Variants in EGFR observed in about 807,000 individuals in gnomAD.
The protein encoded by EGFR is epidermal growth factor receptor, also known as avian erythroblastic leukemia viral (v-erb-b) oncogene homolog.
Under a neutral mutation model 143.0 loss-of-function variants are expected in EGFR, and 58 were observed. The observed-to-expected ratio is 0.41, with a 90% CI of 0.33 to 0.50. The LOEUF (loss-of-function observed/expected upper bound fraction) is 0.50. EGFR is among the 20% of genes least tolerant of loss of function. The probability of loss-of-function intolerance (pLI) is 0.39; values close to 1 mark genes in which losing one functional copy is unlikely to be tolerated. For missense variants in EGFR, 1,307 were observed against 1,579.0 expected, an observed-to-expected ratio of 0.83 and a Z score of 2.92; for synonymous variants, 613 against 594.4, an observed-to-expected ratio of 1.03 and a Z score of -0.45.
intron 1 of EGFR, among the ~76,000 whole-genome samples, chr7:55,030,951 G>T (rs1787210971): frequency 6.6e-6 from 1 of 152,010 alleles, no homozygotes; most frequent in African/African-American, 2.4e-5. Flanking sequence ...ACGGTGATGT[G>T]CCTCTCCCAG....
At chr7:55,050,265 C>A (rs1788413128) in intron 1 of EGFR, among the ~76,000 whole-genome samples, 1 of 152,132 alleles carries the variant, frequency 6.6e-6, no homozygotes, top group Non-Finnish European at 1.5e-5. Context: ...TTCCCCCAGC[C>A]CCTGGCCACC....
intron 1 of EGFR, among the ~76,000 whole-genome samples, chr7:55,068,513 T>C (rs1444148534): frequency 6.6e-6 from 1 of 152,168 alleles, no homozygotes; most frequent in African/African-American, 2.4e-5. Context: ...ACAAGGTCAA[T>C]GCGAAGATTG....
chr7:55,150,751 C>T (rs933560866), intron 4 of EGFR, among the ~76,000 whole-genome samples: 2 of 152,228 alleles, frequency 1.3e-5, no homozygotes, highest in Non-Finnish European at 2.9e-5. Context: ...TAAGGTTTTA[C>T]ACAGTCATGA....
rs2128853375 is a variant in EGFR at position 55,019,305 on chromosome 7, G to A, written c.28G>A (p.Ala10Thr). Residue 10 changes from alanine to threonine, a missense_variant, in exon 1 of 28, where the codon GCG becomes ACG. Around this residue, in one of 7 missense-constraint regions of EGFR, gnomAD observed 65 missense variants for 37.8 expected, o/e 1.72. Transcript: ENST00000275493. ...GCGACCCTCCGGGACGGCCGGGGCA[G>A]CGCTCCTGGCGCTGCTGGCTGCGCT... MRPSGTAGA[A>T]LLALLAALCP... 6.6e-7 allele frequency: 1 copy of A among 1,517,372 alleles called. No homozygotes were observed. The highest frequency in any genetic ancestry group is 8.9e-7 in the Non-Finnish European group (1 of 1,128,430). The allele number at this position is 1,517,372 out of a possible 1,614,324, so 94.0% of individuals were successfully genotyped here.
chr7:55,038,513 T>C (rs1405483378), intron 1 of EGFR, among the ~76,000 whole-genome samples: 1 of 152,160 alleles, frequency 6.6e-6, no homozygotes, highest in African/African-American at 2.4e-5. Context: ...AACACACGTG[T>C]GGTCCCTGCC....
At chr7:55,172,789 G>A in intron 16 of EGFR, 194 bp from the exon 17 acceptor site, 1 of 1,505,538 alleles carries the variant, frequency 6.6e-7, no homozygotes, top group Non-Finnish European at 8.9e-7. Context: ...AGGGGACTGG[G>A]GAGAGCTTGA....
chr7:55,028,183 T>G (rs1787046433), intron 1 of EGFR, among the ~76,000 whole-genome samples: 1 of 151,960 alleles, frequency 6.6e-6, no homozygotes, highest in Admixed American at 6.6e-5. Context: ...ACGTCATGAT[T>G]GTTTTAGCAG....
chr7:55,207,251 C>T lies in EGFR; in HGVS notation c.*1634C>T, dbSNP rs41347952. 42 of 232,884 alleles carry T rather than the reference C, an allele frequency of 1.8e-4. No individual in the cohort carries two copies. The highest frequency in any genetic ancestry group is 9.0e-4 in the African/African-American group (41 of 45,346). The allele number at this position is 232,884 out of a possible 1,614,324, so 14.4% of individuals were successfully genotyped here. On this transcript the variant is annotated 3_prime_UTR_variant, in exon 28 of 28. Transcript: ENST00000275493. ...TTGCTTTTAAAGTAATTTTTGACTC[C>T]CAGATCAGTCAGAGCCCCTACAGCA... is the stretch of plus-strand genomic sequence containing the variant.
chr7:55,175,670 A>G (rs534562317), intron 19 of EGFR, among the ~76,000 whole-genome samples: 1 of 152,328 alleles, frequency 6.6e-6, no homozygotes, highest in African/African-American at 2.4e-5. Context: ...TGGCTGACTT[A>G]TTACCTCAAA....
intron 1 of EGFR, among the ~76,000 whole-genome samples, chr7:55,040,786 T>C (rs1269642288): frequency 1.3e-5 from 2 of 152,216 alleles, no homozygotes; most frequent in African/African-American, 2.4e-5. Context: ...TTTAACCTTG[T>C]ATATACTTTA....
intron 8 of EGFR, 109 bp from the exon 9 acceptor site, chr7:55,156,424 G>T: frequency 6.8e-7 from 1 of 1,467,870 alleles, no homozygotes; most frequent in South Asian, 1.1e-5. Flanking sequence ...ATGTGGCAGT[G>T]GCGGTTCCGG....
chr7:55,138,899 T>C (rs1279011837), intron 1 of EGFR, among the ~76,000 whole-genome samples: 1 of 152,188 alleles, frequency 6.6e-6, no homozygotes, highest in Non-Finnish European at 1.5e-5. Context: ...TGTCAATCTA[T>C]GGTGGAAGGT....
intron 1 of EGFR, among the ~76,000 whole-genome samples, chr7:55,080,810 T>C (rs778381622): frequency 9.8e-5 from 15 of 152,328 alleles, no homozygotes; most frequent in South Asian, 2.1e-4. Context: ...AAATATATAC[T>C]GTCTCTTTAT....
In EGFR at chr7:55,146,493, G is replaced by A. The variant is rs17289665; in HGVS notation, c.425-113G>A. On this transcript the variant is annotated intron_variant, in intron 3 of 27. Transcript: ENST00000275493. ...TCACTGGGCTAATTGCGGGACTCTT[G>A]TTCGCACCATGGCATCTCTTTAGCA... The A allele has an allele frequency of 1.9e-6, 3 of 1,540,324 alleles. No homozygotes were observed. In the African/African-American group the frequency reaches 4.1e-5, roughly 21 times the overall value.
chr7:55,064,500 C>T (rs533493165), intron 1 of EGFR, among the ~76,000 whole-genome samples: 1 of 152,318 alleles, frequency 6.6e-6, no homozygotes, highest in South Asian at 2.1e-4. Flanking sequence ...CACACACAAA[C>T]ACCCATTCAT....
chr7:55,119,208 A>C (rs1464331733), intron 1 of EGFR: 1 of 152,190 alleles, frequency 6.6e-6, no homozygotes. Context: ...CCTCCTAATG[A>C]ATTGAGTACC....
intron 14 of EGFR, 45 bp downstream of exon 14, chr7:55,163,868 C>A (rs567201612): frequency 6.2e-7 from 1 of 1,602,176 alleles, no homozygotes; most frequent in East Asian, 2.2e-5. Context: ...ATGGGAAGGG[C>A]CTTCACAGAA....
At chr7:55,070,607 A>G (rs1789762641) in intron 1 of EGFR, among the ~76,000 whole-genome samples, 1 of 152,254 alleles carries the variant, frequency 6.6e-6, no homozygotes, top group Non-Finnish European at 1.5e-5. Flanking sequence ...CTCCAGTCCA[A>G]CAGTTGCCTG....
rs753405457 is a variant in EGFR, at chr7:55,093,495, G to A, written c.89-48791G>A. Among the ~76,000 whole-genome samples, 21 of 152,222 alleles carry A rather than the reference G, an allele frequency of 1.4e-4. 1 individual carries two copies. The highest frequency in any genetic ancestry group is 6.8e-3 in the Middle Eastern group (2 of 294). ...TTCATGCCCTCCCTCCCCACCGCTCGCCCCGCGTCTCAGTCCTCAGTGATG... is the reference window on the plus strand; with the variant it reads ...TTCATGCCCTCCCTCCCCACCGCTCACCCCGCGTCTCAGTCCTCAGTGATG... On this transcript the variant is annotated intron_variant, in intron 1 of 27. Transcript: ENST00000275493.
Sources: gnomAD v4.1 joint callset for allele counts (sites outside exome capture counted in the v4.1 genomes callset) on GRCh38, gnomAD v4.1.1 for gene constraint, gnomAD v4.1.1 regional missense constraint, MANE v1.5 for transcripts, NCBI Gene and HGNC (gene_info 2026-07-23, HGNC 2026-07-21) for gene names.